The following MBD5 variants were observed in gnomAD, a reference collection of about 807,000 sequenced individuals.
MBD5 encodes the protein methyl-CpG binding domain protein 5, also known as methyl-CpG-binding domain protein 5.
Under a neutral mutation model 117.3 loss-of-function variants are expected in MBD5, and 13 were observed. That is an observed-to-expected ratio of 0.11 (90% CI 0.07 to 0.18). The LOEUF (loss-of-function observed/expected upper bound fraction) is 0.18, where lower values mean the gene tolerates loss of function less well. Ranked by LOEUF, MBD5 falls within the 10% of genes least tolerant of loss-of-function variation. The pLI, the probability that MBD5 is intolerant of heterozygous loss-of-function variation, is 1.00. For synonymous variants in MBD5, 727 were observed against 766.4 expected, an observed-to-expected ratio of 0.95 and a Z score of 0.85; for missense variants, 1,879 against 2,093.8, an observed-to-expected ratio of 0.90 and a Z score of 2.00.
chr2:148,033,114 C>T (rs377320725), intron 1 of MBD5, among the ~76,000 whole-genome samples: 4 of 152,130 alleles, frequency 2.6e-5, no homozygotes, highest in African/African-American at 9.6e-5. Context: ...GTGATAATGT[C>T]GAGCAAACCA....
In MBD5 at chr2:148,300,000, A is replaced by G. The variant is rs115342277; in HGVS notation, c.-679-42214A>G. 5.1e-3 allele frequency among the ~76,000 whole-genome samples: 780 copies of G among 152,276 alleles called. 13 individuals are homozygous for G. Among genetic ancestry groups the G allele is most frequent in the African/African-American group, 0.018 (750 of 41,566 alleles). On this transcript the variant is annotated intron_variant, in intron 3 of 13. Transcript: ENST00000642680. ...AATGATTGTCACAGAATATCCTAAT[A>G]GTAATATGAGATATCAGGGACCCAG...
At chr2:148,143,864 TG>T (rs1278766051) in intron 1 of MBD5, among the ~76,000 whole-genome samples, 2 of 152,094 alleles carry the variant, frequency 1.3e-5, no homozygotes, top group Non-Finnish European at 1.5e-5. Flanking sequence ...GATGGACATT[TG>T]GGTTGGTTCC....
chr2:148,385,294 G>A (rs943332573), intron 4 of MBD5, among the ~76,000 whole-genome samples: 9 of 152,140 alleles, frequency 5.9e-5, no homozygotes, highest in Admixed American at 2.6e-4. Context: ...CAAAAAGTGG[G>A]CAAAGGATAT....
intron 3 of MBD5, among the ~76,000 whole-genome samples, chr2:148,283,569 T>G (rs1255929230): frequency 6.6e-6 from 1 of 152,202 alleles, no homozygotes; most frequent in Non-Finnish European, 1.5e-5. Flanking sequence ...GATAAAATTA[T>G]TACATACCTG....
At chr2:148,395,426 C>CCTT (rs538391100) in intron 4 of MBD5, among the ~76,000 whole-genome samples, 1 of 123,982 alleles carries the variant, frequency 8.1e-6, no homozygotes, top group African/African-American at 3.0e-5. Flanking sequence ...CCCAACTCAT[C>CCTT]TTTTTTTTTT....
intron 3 of MBD5, among the ~76,000 whole-genome samples, chr2:148,285,260 C>T (rs780904358): frequency 2.1e-4 from 32 of 152,176 alleles, no homozygotes; most frequent in Non-Finnish European, 4.3e-4. Context: ...TAGAAAAAGT[C>T]ATCTCAATAA....
At chr2:148,021,041 T>C (rs1018487312), upstream of MBD5, 1 of 152,092 alleles carries the variant, frequency 6.6e-6, no homozygotes, top group Non-Finnish European at 1.5e-5. Flanking sequence ...GAGAGGGACA[T>C]GCGCAGTGAG....
intron 2 of MBD5, among the ~76,000 whole-genome samples, chr2:148,193,145 G>T (rs1698881890): frequency 1.2e-5 from 1 of 80,530 alleles, no homozygotes; most frequent in East Asian, 3.8e-4. Flanking sequence ...CCATGCTCAT[G>T]GGTAGGAAGA....
chr2:148,226,193 A>G (rs991612996), intron 2 of MBD5, among the ~76,000 whole-genome samples: 2 of 151,464 alleles, frequency 1.3e-5, no homozygotes, highest in Non-Finnish European at 2.9e-5. Flanking sequence ...CATATGTGCC[A>G]TGTTGGTGTG....
intron 4 of MBD5, among the ~76,000 whole-genome samples, chr2:148,434,376 G>C (rs192346078): frequency 6.6e-6 from 1 of 152,038 alleles, no homozygotes; most frequent in East Asian, 1.9e-4. Flanking sequence ...ATTTCCTTCA[G>C]TTCAGCTCTG....
Position 148,490,098 on chromosome 2 carries a change from G to A in MBD5, c.4466G>A (p.Gly1489Glu), listed in dbSNP as rs773267074. 8.7e-6 allele frequency: 14 copies of A among 1,613,786 alleles called. No homozygotes were observed. Among genetic ancestry groups the A allele is most frequent in the Non-Finnish European group, 1.1e-5 (13 of 1,179,956 alleles). The stretch of plus-strand genomic sequence containing the variant: ...CTGTTACCACCAAGAAACTGTCCAG[G>A]GGATAAAATTCTAGAGGAAAATTTC... ...PILLPPRNCPGDKILEENFRY... is the reference protein window; with the variant it reads ...PILLPPRNCPEDKILEENFRY... The change falls in exon 11 of 14, where the codon GGG (glycine) becomes GAG (glutamate). Residue 1489 changes from glycine to glutamate, a missense_variant. Around this residue, in one of 4 missense-constraint regions of MBD5, gnomAD observed 1,666 missense variants for 1,792.2 expected, o/e 0.93. Transcript: ENST00000642680.
At chr2:148,136,214 A>G (rs987894830) in intron 1 of MBD5, among the ~76,000 whole-genome samples, 5 of 152,164 alleles carry the variant, frequency 3.3e-5, no homozygotes, top group Non-Finnish European at 5.9e-5. Context: ...CTACAGAATC[A>G]CGGTCTTACG....
At position 148,483,582 on chromosome 2, in the gene MBD5, C is replaced by T. The variant is rs1358964931; in HGVS notation, c.2991C>T (p.Ala997=). 1 of 1,559,730 alleles carries T rather than the reference C, an allele frequency of 6.4e-7. No homozygotes were observed. The highest frequency in any genetic ancestry group is 2.4e-5 in the East Asian group (1 of 41,332). The part of the protein sequence containing the change: ...QLLAALLQNQ[A]QAAAMLPLPS... ...TAGCAGCCTTGCTTCAGAACCAAGC[C>T]CAAGCAGCTGCCATGCTTCCCCTGC... is the stretch of plus-strand genomic sequence containing the variant. The change falls in exon 9 of 14, where the codon GCC becomes GCT. Residue 997 remains alanine (A), a synonymous_variant. Transcript: ENST00000642680.
rs187010710 is a variant in MBD5 at position 148,224,313 on chromosome 2, G to C, written c.-830-8932G>C. Among the ~76,000 whole-genome samples the C allele has an allele frequency of 1.9e-4, 29 of 152,074 alleles. No individual in the cohort carries two copies. In the East Asian group the frequency reaches 4.8e-3, roughly 25 times the overall value. ...GATATGTCTCTGTCTGATACTGAAA[G>C]TATGGTGATGAAGCCTCTAGCTTTA... On this transcript the variant is annotated intron_variant, in intron 2 of 13. Transcript: ENST00000642680.
At position 148,488,657 on chromosome 2, in the gene MBD5, G is replaced by C. The variant is rs903492955; in HGVS notation, c.3754-729G>C. Among the ~76,000 whole-genome samples the C allele has an allele frequency of 7.7e-5, 9 of 116,648 alleles. No homozygotes were observed. The East Asian group carries it at 1.9e-3, about 24-fold the overall frequency. The allele number at this position is 116,648 out of a possible 152,430, so 76.5% of individuals were successfully genotyped here. On this transcript the variant is annotated intron_variant, in intron 10 of 13. Transcript: ENST00000642680. ...AGTAATTCTTAGATGGTGCGGGGGT[G>C]GGGGGTGGGGGGTAAAATTAGAATT... is the stretch of plus-strand genomic sequence containing the variant.
At chr2:148,053,221 A>G (rs1392192763) in intron 1 of MBD5, among the ~76,000 whole-genome samples, 1 of 152,100 alleles carries the variant, frequency 6.6e-6, no homozygotes, top group Non-Finnish European at 1.5e-5. Flanking sequence ...ACATATGTTG[A>G]TAACTGTTAT....
At chr2:148,129,380 A>G (rs1696980436) in intron 1 of MBD5, among the ~76,000 whole-genome samples, 1 of 152,122 alleles carries the variant, frequency 6.6e-6, no homozygotes, top group African/African-American at 2.4e-5. Context: ...CTGTAATCTC[A>G]ACTACTCGGG....
intron 3 of MBD5, among the ~76,000 whole-genome samples, chr2:148,242,788 T>C (rs893819202): frequency 1.3e-5 from 2 of 152,222 alleles, no homozygotes; most frequent in Admixed American, 1.3e-4. Flanking sequence ...TTTTAAAAAC[T>C]GCTTATTGAA....
chr2:148,241,929 T>C (rs181592628), intron 3 of MBD5, among the ~76,000 whole-genome samples: 1 of 152,330 alleles, frequency 6.6e-6, no homozygotes, highest in African/African-American at 2.4e-5. Flanking sequence ...ATTTAAGTTA[T>C]TGATTAATTA....
Sources: allele counts gnomAD v4.1 joint callset (sites outside exome capture counted in the v4.1 genomes callset), GRCh38; gene constraint gnomAD v4.1.1; regional missense constraint gnomAD v4.1.1; transcripts MANE v1.5; gene names NCBI Gene and HGNC (gene_info 2026-07-23, HGNC 2026-07-21).